TRPM8: variants seen among roughly 807,000 people sequenced by gnomAD.
The protein encoded by TRPM8 is transient receptor potential cation channel subfamily M member 8.
Under a neutral mutation model 133.7 loss-of-function variants are expected in TRPM8, and 110 were observed. That is an observed-to-expected ratio of 0.82 (90% CI 0.70 to 0.96). TRPM8 has a LOEUF of 0.96. Among genes scored for constraint, TRPM8 ranks in the 40% least tolerant of loss-of-function variants. The pLI, the probability that TRPM8 is intolerant of heterozygous loss-of-function variation, is 0.00. For synonymous variants in TRPM8, 535 were observed against 532.3 expected (o/e 1.01, Z -0.07); for missense variants, 1,291 against 1,379.5 (o/e 0.94, Z 1.02).
intron 21 of TRPM8, among the ~76,000 whole-genome samples, 163 bp downstream of exon 21, chr2:233,986,028 C>A (rs1692141389): frequency 6.6e-6 from 1 of 152,182 alleles, no homozygotes; most frequent in Non-Finnish European, 1.5e-5. Flanking sequence ...TTTAAAGGGA[C>A]CATATTAAAA....
intron 23 of TRPM8, among the ~76,000 whole-genome samples, 195 bp from the exon 24 acceptor site, chr2:234,007,875 G>T (rs904285685): frequency 4.6e-5 from 7 of 152,220 alleles, no homozygotes; most frequent in African/African-American, 1.7e-4. Context: ...TAATTGTGAT[G>T]AGATAAAATT....
chr2:233,923,287 C>A (rs1691445970), intron 1 of TRPM8, among the ~76,000 whole-genome samples: 1 of 152,164 alleles, frequency 6.6e-6, no homozygotes, highest in South Asian at 2.1e-4. Context: ...CTTTCTTTAT[C>A]TTGGGGAAGA....
At chr2:233,950,288 G>C (rs2125129786) in intron 9 of TRPM8, 142 bp downstream of exon 9, 2 of 767,360 alleles carry the variant, frequency 2.6e-6, no homozygotes, top group East Asian at 5.4e-5. Flanking sequence ...CAGGTGTCTT[G>C]CTGGAAACTG....
intron 9 of TRPM8, chr2:233,953,607 T>G (rs11563214): frequency 0.025 from 4,879 of 193,478 alleles, 269 homozygotes; most frequent in East Asian, 0.19. Context: ...ACTTGGTCAT[T>G]TAATAACTGA....
chr2:233,970,162 G>A (rs191533937), intron 16 of TRPM8, 48 bp from the exon 17 acceptor site: 19 of 1,519,946 alleles, frequency 1.3e-5, no homozygotes, highest in Admixed American at 8.3e-5. Context: ...GGCTGTGCCC[G>A]TCCCATGCTT....
At chr2:233,963,445 C>A in intron 13 of TRPM8, 68 bp downstream of exon 13, 1 of 907,194 alleles carries the variant, frequency 1.1e-6, no homozygotes, top group Admixed American at 2.3e-5. Context: ...CTGATCCTCT[C>A]AAAATTCGCA....
At chr2:234,004,760 C>G (rs181702098) in intron 22 of TRPM8, among the ~76,000 whole-genome samples, 2 of 152,170 alleles carry the variant, frequency 1.3e-5, no homozygotes, top group Non-Finnish European at 2.9e-5. Context: ...GCACATGTAA[C>G]CCACCATCCA....
chr2:233,987,620 A>G (rs2125310857), intron 21 of TRPM8, among the ~76,000 whole-genome samples: 1 of 152,336 alleles, frequency 6.6e-6, no homozygotes, highest in Admixed American at 6.5e-5. Flanking sequence ...AGTCCACTCC[A>G]GTCTTCTTTA....
At chr2:233,945,794 AT>A in intron 6 of TRPM8, 61 bp from the exon 7 acceptor site, 1 of 1,444,714 alleles carries the variant, frequency 6.9e-7, no homozygotes, top group Non-Finnish European at 9.5e-7. Context: ...ATATAGAAAA[AT>A]ATCATCATGT....
chr2:233,954,477 A>T (rs114940337), intron 10 of TRPM8, among the ~76,000 whole-genome samples: 3 of 152,222 alleles, frequency 2.0e-5, no homozygotes, highest in Non-Finnish European at 4.4e-5. Flanking sequence ...AGGTTAAAAA[A>T]TTCTCATTCA....
chr2:234,009,310 C>T (rs1441586450), intron 24 of TRPM8, among the ~76,000 whole-genome samples: 2 of 152,058 alleles, frequency 1.3e-5, no homozygotes, highest in African/African-American at 4.8e-5. Context: ...GTTTTTTACT[C>T]GAGTTTATTT....
At chr2:234,007,266 AG>A (rs1478521816) in intron 23 of TRPM8, among the ~76,000 whole-genome samples, 1 of 152,224 alleles carries the variant, frequency 6.6e-6, no homozygotes, top group African/African-American at 2.4e-5. Context: ...CTGCGGCCGC[AG>A]AGGTGGGTTC....
At position 233,999,507 on chromosome 2, in the gene TRPM8, CCGTGGCCCTGTTTGGCCAT is replaced by C. The variant is rs568626094; in HGVS notation, c.3130+3010_3130+3028del. Among the ~76,000 whole-genome samples the C allele has an allele frequency of 1.3e-3, 203 of 152,314 alleles. 2 individuals carry two copies. The South Asian group carries it at 0.024, about 18-fold the overall frequency. Reference sequence around the variant, plus strand: ...CAGCCTGCCCGGTGGGTGGAAGAATCCGTGGCCCTGTTTGGCCATCGTGGCCCTGTTTGGCCACCTACCA... The same window carrying C: ...CAGCCTGCCCGGTGGGTGGAAGAATCCGTGGCCCTGTTTGGCCACCTACCA... On this transcript the variant is annotated intron_variant, in intron 22 of 25. Coordinates refer to ENST00000324695, the MANE Select transcript of TRPM8 (RefSeq NM_024080.5).
intron 4 of TRPM8, among the ~76,000 whole-genome samples, chr2:233,938,660 G>A (rs1039122836): frequency 6.6e-6 from 1 of 151,972 alleles, no homozygotes; most frequent in African/African-American, 2.4e-5. Context: ...ATTCTTTTGA[G>A]TTTCTGATTA....
At chr2:233,941,779 G>A (rs28901628) in intron 5 of TRPM8, among the ~76,000 whole-genome samples, 1 of 152,162 alleles carries the variant, frequency 6.6e-6, no homozygotes, top group Non-Finnish European at 1.5e-5. Context: ...GCATTGAGAA[G>A]ATAATCAGAT....
At chr2:234,000,229 G>A (rs1038621505) in intron 22 of TRPM8, among the ~76,000 whole-genome samples, 1 of 151,768 alleles carries the variant, frequency 6.6e-6, no homozygotes, top group South Asian at 2.1e-4. Context: ...TCCTGCCTCA[G>A]CCTCCCAAGT....
intron 17 of TRPM8, among the ~76,000 whole-genome samples, chr2:233,978,905 G>T (rs1342205971): frequency 6.6e-6 from 1 of 152,168 alleles, no homozygotes; most frequent in Non-Finnish European, 1.5e-5. Flanking sequence ...TGAAGGAAAG[G>T]AAATGCTTCT....
intron 17 of TRPM8, among the ~76,000 whole-genome samples, chr2:233,971,388 G>C (rs1328292370): frequency 6.6e-6 from 1 of 152,200 alleles, no homozygotes; most frequent in Non-Finnish European, 1.5e-5. Context: ...CCAAGGGTCT[G>C]TCTGTTCTCA....
chr2:233,998,721 CAGTT>C (rs753212987), intron 22 of TRPM8, among the ~76,000 whole-genome samples: 4 of 149,996 alleles, frequency 2.7e-5, no homozygotes, highest in African/African-American at 4.9e-5. Flanking sequence ...TGTGCCCATC[CAGTT>C]AGAGTGCCAG....
Sources: allele counts gnomAD v4.1 joint callset (sites outside exome capture counted in the v4.1 genomes callset), GRCh38; gene constraint gnomAD v4.1.1; transcripts MANE v1.5; gene names NCBI Gene and HGNC (gene_info 2026-07-23, HGNC 2026-07-21).